SPRING1: variants seen among roughly 807,000 people sequenced by gnomAD.
SPRING1 encodes the protein SREBF pathway regulator in golgi 1.
SPRING1 carries 14 observed loss-of-function variants against 24.7 expected under a neutral mutation model. The ratio of observed to expected loss-of-function variants is 0.57; its 90% CI spans 0.37 to 0.88. The LOEUF (loss-of-function observed/expected upper bound fraction) is 0.88. SPRING1 is among the 40% of genes least tolerant of loss of function. The pLI, the probability that SPRING1 is intolerant of heterozygous loss-of-function variation, is 0.00. For missense variants in SPRING1, 255 were observed against 268.4 expected, an observed-to-expected ratio of 0.95 and a Z score of 0.35; for synonymous variants, 93 against 106.1, an observed-to-expected ratio of 0.88 and a Z score of 0.76.
intron 1 of SPRING1, among the ~76,000 whole-genome samples, chr12:116,730,494 T>G (rs1870924194): frequency 6.6e-6 from 1 of 152,218 alleles, no homozygotes; most frequent in Non-Finnish European, 1.5e-5. Flanking sequence ...TGAGCCATCA[T>G]GCCCAGCCTG....
rs772178056 is a variant in SPRING1, at chr12:116,717,920, C to T, written c.535-27G>A. On this transcript the variant is annotated intron_variant, in intron 4 of 4. Transcript: ENST00000261318. The surrounding 1 kb of genome is among the most constrained non-coding windows in gnomAD (Gnocchi z 4.2). ...TGTTGGCAAAAGGAAAATAAGAGCG[C>T]AGTGAGAGCGAGCACAGCTTCACAC... 7.2e-5 allele frequency: 112 copies of T among 1,555,598 alleles called. No homozygotes were observed. Among genetic ancestry groups the T allele is most frequent in the Middle Eastern group, 3.4e-4 (2 of 5,824 alleles).
At position 116,712,542 on chromosome 12, in the gene SPRING1, G is replaced by A. The variant is rs113455433; in HGVS notation, c.*5268C>T. 6 of 152,258 alleles carry A rather than the reference G, an allele frequency of 3.9e-5. No homozygotes were observed. Among genetic ancestry groups the A allele is most frequent in the African/African-American group, 9.6e-5 (4 of 41,550 alleles). 9.4% of individuals were successfully genotyped at this position (152,258 alleles called of 1,614,324 possible). On this transcript the variant is annotated 3_prime_UTR_variant, in exon 5 of 5. Transcript: ENST00000261318. The stretch of plus-strand genomic sequence containing the variant: ...AACGATAGACTAACAGGCCAGAGGC[G>A]GGGAAAGCTTCTCGGAGTCCCACTA...
intron 1 of SPRING1, among the ~76,000 whole-genome samples, chr12:116,727,412 A>AC (rs768923761): frequency 5.9e-5 from 9 of 152,252 alleles, no homozygotes; most frequent in Non-Finnish European, 1.2e-4. Context: ...ACAGAAACAC[A>AC]CTGTGATTAC....
chr12:116,720,717 T>C lies in SPRING1; in HGVS notation c.269-270A>G, dbSNP rs1870390608. 6.6e-6 allele frequency among the ~76,000 whole-genome samples: 1 copy of C among 152,216 alleles called. No individual in the cohort carries two copies. Among genetic ancestry groups the C allele is most frequent in the African/African-American group, 2.4e-5 (1 of 41,474 alleles). On this transcript the variant is annotated intron_variant, in intron 2 of 4. Transcript: ENST00000261318. The surrounding 1 kb of genome is among the most constrained non-coding windows in gnomAD (Gnocchi z 4.0). The stretch of plus-strand genomic sequence containing the variant: ...ACTGTTTAGTCGGCTGGCACATGTC[T>C]GATTTCATCATCAGGTCAAGCTACG...
intron 1 of SPRING1, among the ~76,000 whole-genome samples, chr12:116,737,419 G>A (rs1174379958): frequency 1.3e-5 from 2 of 151,516 alleles, no homozygotes; most frequent in Non-Finnish European, 2.9e-5. Flanking sequence ...GGACAGAAAG[G>A]AGGAGGACGG....
At chr12:116,725,676 A>G (rs569343114) in intron 1 of SPRING1, among the ~76,000 whole-genome samples, 85 of 152,220 alleles carry the variant, frequency 5.6e-4, no homozygotes, top group Middle Eastern at 3.4e-3. Flanking sequence ...ACGAGTTCAG[A>G]AGATCGAGAC....
At position 116,723,177 on chromosome 12, in the gene SPRING1, T is replaced by C. The variant is rs759309009; in HGVS notation, c.158A>G (p.His53Arg). The C allele has an allele frequency of 1.2e-5, 19 of 1,614,102 alleles. No homozygotes were observed. Among genetic ancestry groups the C allele is most frequent in the Non-Finnish European group, 1.4e-5 (17 of 1,180,048 alleles). Residue 53 changes from histidine (H) to arginine (R), a missense_variant, in exon 2 of 5, where the codon CAT (histidine) becomes CGT (arginine). By Grantham distance (29) the His-to-Arg change is conservative. Coordinates refer to ENST00000261318, the MANE Select transcript of SPRING1 (RefSeq NM_024738.4). Reference sequence around the variant, plus strand: ...CACTTTCCACGGGATGGGCTGATTATGGTCATGAACCTGGAGGAGATTCCT... The same window carrying C: ...CACTTTCCACGGGATGGGCTGATTACGGTCATGAACCTGGAGGAGATTCCT... ...RDRNLLQVHDHNQPIPWKVQF... is the reference protein window; with the variant it reads ...RDRNLLQVHDRNQPIPWKVQF...
chr12:116,730,501 C>A (rs966150287), intron 1 of SPRING1, among the ~76,000 whole-genome samples: 2 of 152,194 alleles, frequency 1.3e-5, no homozygotes, highest in African/African-American at 4.8e-5. Context: ...TCATGCCCAG[C>A]CTGTGAATAT....
At chr12:116,725,316 C>A (rs1870629033) in intron 1 of SPRING1, among the ~76,000 whole-genome samples, 1 of 152,102 alleles carries the variant, frequency 6.6e-6, no homozygotes, top group Non-Finnish European at 1.5e-5. Context: ...CCATGTTAGT[C>A]ACTTAGTAGT....
chr12:116,717,802 T>C lies in SPRING1; in HGVS notation c.*8A>G. 3 of 1,585,894 alleles carry C rather than the reference T, an allele frequency of 1.9e-6. No individual in the cohort carries two copies. Among genetic ancestry groups the C allele is most frequent in the Non-Finnish European group, 2.6e-6 (3 of 1,168,074 alleles). ...CTCACCCAGGCTGGAGCAAGTCCGC[T>C]GCACCCGTCAAGCGGGGAAGAGCTC... On this transcript the variant is annotated 3_prime_UTR_variant, in exon 5 of 5. Coordinates refer to ENST00000261318, the MANE Select transcript of SPRING1 (RefSeq NM_024738.4). The surrounding 1 kb of genome is among the most constrained non-coding windows in gnomAD (Gnocchi z 4.2).
chr12:116,724,163 C>T (rs1375225073), intron 1 of SPRING1, among the ~76,000 whole-genome samples: 2 of 152,140 alleles, frequency 1.3e-5, no homozygotes, highest in African/African-American at 4.8e-5. Context: ...TTCAAAATAA[C>T]CTGTCATGTG....
rs943228788 is a variant in SPRING1 at position 116,714,803 on chromosome 12, A to C, written c.*3007T>G. 4.0e-5 allele frequency: 6 copies of C among 151,496 alleles called. No homozygotes were observed. Among genetic ancestry groups the C allele is most frequent in the African/African-American group, 1.2e-4 (5 of 41,238 alleles). The allele number at this position is 151,496 out of a possible 1,614,324, so 9.4% of individuals were successfully genotyped here. ...GAGCAAGACTCCATCGCAAAAAAAA[A>C]AAAAAAAAAAAAAGGCTCTAGCATT... On this transcript the variant is annotated 3_prime_UTR_variant, in exon 5 of 5. Transcript: ENST00000261318.
Position 116,713,773 on chromosome 12 carries a change from T to C in SPRING1, c.*4037A>G, listed in dbSNP as rs971798720. 6.6e-5 allele frequency: 10 copies of C among 152,152 alleles called. No individual in the cohort carries two copies. The highest frequency in any genetic ancestry group is 1.9e-4 in the African/African-American group (8 of 41,436). The allele number at this position is 152,152 out of a possible 1,614,324, so 9.4% of individuals were successfully genotyped here. On this transcript the variant is annotated 3_prime_UTR_variant, in exon 5 of 5. Transcript: ENST00000261318. ...GCATTACACAGGCCTCTATGTAACATAGGATATTCATTAGAGAATTGTTTT... is the reference window on the plus strand; with the variant it reads ...GCATTACACAGGCCTCTATGTAACACAGGATATTCATTAGAGAATTGTTTT...
At chr12:116,722,005 C>T (rs1342315041) in intron 2 of SPRING1, among the ~76,000 whole-genome samples, 1 of 152,150 alleles carries the variant, frequency 6.6e-6, no homozygotes, top group Non-Finnish European at 1.5e-5. Flanking sequence ...AACAAGGAGT[C>T]CTGTAAGATC....
intron 1 of SPRING1, among the ~76,000 whole-genome samples, chr12:116,731,209 C>T (rs1430159562): frequency 2.0e-5 from 3 of 152,254 alleles, no homozygotes; most frequent in African/African-American, 2.4e-5. Flanking sequence ...CAAGTATGGC[C>T]GTGAAGAATA....
chr12:116,719,666 T>G (rs1790346091), intron 4 of SPRING1, 97 bp downstream of exon 4: 2 of 1,002,584 alleles, frequency 2.0e-6, no homozygotes, highest in African/African-American at 1.6e-5. Flanking sequence ...CTCTTCTCCC[T>G]TACCACCCCA....
At chr12:116,730,386 T>C (rs1261335888) in intron 1 of SPRING1, among the ~76,000 whole-genome samples, 3 of 151,806 alleles carry the variant, frequency 2.0e-5, no homozygotes, top group African/African-American at 7.3e-5. Context: ...GTATTTTTAG[T>C]AGAAACAGGG....
Position 116,717,312 on chromosome 12 carries a change from G to A in SPRING1, c.*498C>T, listed in dbSNP as rs111712015. ...AAGAATGATTTAACTCCTGAAACTC[G>A]AGAACACAGAACAACAACAAAAATA... On this transcript the variant is annotated 3_prime_UTR_variant, in exon 5 of 5. Coordinates refer to ENST00000261318, the MANE Select transcript of SPRING1 (RefSeq NM_024738.4). This position sits in a 1 kb window ranked among gnomAD's most constrained non-coding sequence, Gnocchi z 4.2. The A allele has an allele frequency of 4.6e-5, 7 of 152,302 alleles. No individual in the cohort carries two copies. The highest frequency in any genetic ancestry group is 6.5e-5 in the Admixed American group (1 of 15,270). The allele number at this position is 152,302 out of a possible 1,614,324, so 9.4% of individuals were successfully genotyped here. A position where few individuals can be genotyped will look rare whatever the true frequency, so the allele number is the denominator to read the frequency against.
intron 1 of SPRING1, among the ~76,000 whole-genome samples, chr12:116,737,283 G>C (rs1341149880): frequency 1.3e-5 from 2 of 152,114 alleles, no homozygotes; most frequent in Non-Finnish European, 2.9e-5. Context: ...CGCTGCAGAA[G>C]TCGGGAGGTC....
Sources: gnomAD v4.1 joint callset for allele counts (sites outside exome capture counted in the v4.1 genomes callset) on GRCh38, gnomAD v4.1.1 for gene constraint, Gnocchi (gnomAD v3.1) non-coding constraint, MANE v1.5 for transcripts, NCBI Gene and HGNC (gene_info 2026-07-23, HGNC 2026-07-21) for gene names.